The following MGMT variants were observed in gnomAD, a reference collection of about 807,000 sequenced individuals.
MGMT encodes the protein O-6-methylguanine-DNA methyltransferase.
A neutral mutation model predicts 15.9 loss-of-function variants in MGMT; 14 were observed. The ratio of observed to expected loss-of-function variants is 0.88; its 90% CI spans 0.58 to 1.37. MGMT has a LOEUF of 1.37. Ranked by LOEUF, MGMT falls within the 40% of genes most tolerant of loss-of-function variation. The pLI is 0.00. For synonymous variants in MGMT, 130 were observed against 118.2 expected, an observed-to-expected ratio of 1.10 and a Z score of -0.65; for missense variants, 282 against 268.1, an observed-to-expected ratio of 1.05 and a Z score of -0.36.
At chr10:129,613,343 T>C (rs995883665) in intron 2 of MGMT, among the ~76,000 whole-genome samples, 1 of 152,216 alleles carries the variant, frequency 6.6e-6, no homozygotes, top group African/African-American at 2.4e-5. Context: ...TTGATCCACA[T>C]TTTGCCTGTG....
intron 4 of MGMT, among the ~76,000 whole-genome samples, chr10:129,760,131 C>T (rs1848855210): frequency 6.6e-6 from 1 of 152,172 alleles, no homozygotes; most frequent in South Asian, 2.1e-4. Context: ...ACGTGGGTGC[C>T]GTTGCTCTCC....
intron 2 of MGMT, among the ~76,000 whole-genome samples, chr10:129,704,189 A>G (rs1279159405): frequency 6.6e-6 from 1 of 152,192 alleles, no homozygotes; most frequent in African/African-American, 2.4e-5. Context: ...ATAATATTTA[A>G]GCCAAGCAGA....
intron 2 of MGMT, among the ~76,000 whole-genome samples, chr10:129,612,907 G>A (rs1339767310): frequency 6.6e-6 from 1 of 152,172 alleles, no homozygotes; most frequent in East Asian, 1.9e-4. Flanking sequence ...GTGAGACTCT[G>A]TCCCCATGTG....
chr10:129,592,516 A>G (rs1846698533), intron 2 of MGMT, among the ~76,000 whole-genome samples: 1 of 152,222 alleles, frequency 6.6e-6, no homozygotes, highest in African/African-American at 2.4e-5. Flanking sequence ...AATGCAGGCT[A>G]GGTGAATGGA....
intron 2 of MGMT, among the ~76,000 whole-genome samples, chr10:129,677,934 GT>G (rs1434405927): frequency 1.3e-5 from 2 of 152,144 alleles, no homozygotes; most frequent in African/African-American, 4.8e-5. Context: ...AGTTTAGATT[GT>G]TTTGGTGTCT....
chr10:129,662,379 C>G (rs147324159), intron 2 of MGMT, among the ~76,000 whole-genome samples: 1 of 152,276 alleles, frequency 6.6e-6, no homozygotes, highest in Non-Finnish European at 1.5e-5. Flanking sequence ...ACGGAACTTT[C>G]CGTTTTAACA....
intron 2 of MGMT, among the ~76,000 whole-genome samples, chr10:129,690,222 T>A (rs921501286): frequency 2.0e-5 from 3 of 152,236 alleles, no homozygotes; most frequent in African/African-American, 7.2e-5. Context: ...TGTAGAATTA[T>A]GTCTTTTAGA....
intron 1 of MGMT, among the ~76,000 whole-genome samples, chr10:129,525,682 C>G (rs1313535779): frequency 2.6e-5 from 4 of 152,204 alleles, no homozygotes; most frequent in Admixed American, 2.6e-4. Context: ...TTCCAGGACC[C>G]AGACCCTGGA....
intron 2 of MGMT, among the ~76,000 whole-genome samples, chr10:129,558,157 G>A (rs1350444847): frequency 6.6e-6 from 1 of 152,104 alleles, no homozygotes; most frequent in Non-Finnish European, 1.5e-5. Flanking sequence ...CAGTACTTGC[G>A]CTTCGGAGTC....
rs1345366926 is a variant in MGMT, at chr10:129,673,549, G to GCACC, written c.126-34345_126-34342dup. Among the ~76,000 whole-genome samples, 4 of 152,232 alleles carry GCACC rather than the reference G, an allele frequency of 2.6e-5. No homozygotes were observed. In the East Asian group the frequency reaches 7.8e-4, roughly 30 times the overall value. ...AAGCTGAGCTCCAGTTCTGCCTGAT[G>GCACC]CACCACCCCATGCCTTGGTCTTCTG... On this transcript the variant is annotated intron_variant, in intron 2 of 4. Transcript: ENST00000651593.
intron 1 of MGMT, among the ~76,000 whole-genome samples, chr10:129,469,754 T>C (rs1352707357): frequency 6.6e-6 from 1 of 152,184 alleles, no homozygotes; most frequent in African/African-American, 2.4e-5. Context: ...TCGCCCAGGC[T>C]GGAGTGCAGT....
intron 1 of MGMT, among the ~76,000 whole-genome samples, chr10:129,467,942 G>A (rs1845188240): frequency 6.6e-6 from 1 of 152,214 alleles, no homozygotes; most frequent in African/African-American, 2.4e-5. Flanking sequence ...ATCTCAGGGT[G>A]GTGTTTGCTC....
intron 2 of MGMT, among the ~76,000 whole-genome samples, chr10:129,571,344 A>G (rs1409198339): frequency 6.6e-6 from 1 of 152,236 alleles, no homozygotes; most frequent in Non-Finnish European, 1.5e-5. Flanking sequence ...GCAACTTGAA[A>G]TATATGAATT....
chr10:129,672,318 G>C (rs1268359663), intron 2 of MGMT, among the ~76,000 whole-genome samples: 1 of 152,138 alleles, frequency 6.6e-6, no homozygotes, highest in Non-Finnish European at 1.5e-5. Flanking sequence ...GATCTGACTA[G>C]GTGTGGACAC....
intron 2 of MGMT, among the ~76,000 whole-genome samples, chr10:129,613,047 T>C (rs1378069989): frequency 1.3e-5 from 2 of 152,206 alleles, no homozygotes; most frequent in African/African-American, 4.8e-5. Flanking sequence ...GTCTAAAACA[T>C]TATTTCCATT....
chr10:129,628,632 C>G (rs1025310518), intron 2 of MGMT, among the ~76,000 whole-genome samples: 1 of 152,130 alleles, frequency 6.6e-6, no homozygotes, highest in Non-Finnish European at 1.5e-5. Flanking sequence ...GGAAAGAACT[C>G]AATGAGTCCA....
At chr10:129,472,889 T>C (rs1344054170) in intron 1 of MGMT, among the ~76,000 whole-genome samples, 1 of 152,212 alleles carries the variant, frequency 6.6e-6, no homozygotes, top group Admixed American at 6.5e-5. Flanking sequence ...ACTAGGTCCC[T>C]GAAGTCCTTT....
At chr10:129,688,115 G>T (rs1274262209) in intron 2 of MGMT, among the ~76,000 whole-genome samples, 1 of 151,942 alleles carries the variant, frequency 6.6e-6, no homozygotes, top group Admixed American at 6.6e-5. Flanking sequence ...CATTTGGCTT[G>T]GTCTTTGCTA....
chr10:129,575,913 G>A (rs888546638), intron 2 of MGMT, among the ~76,000 whole-genome samples: 4 of 150,830 alleles, frequency 2.7e-5, no homozygotes, highest in African/African-American at 4.9e-5. Context: ...ACACCTCTAT[G>A]CAAATAAACT....
Sources: gnomAD v4.1 joint callset for allele counts (sites outside exome capture counted in the v4.1 genomes callset) on GRCh38, gnomAD v4.1.1 for gene constraint, MANE v1.5 for transcripts, NCBI Gene and HGNC (gene_info 2026-07-23, HGNC 2026-07-21) for gene names.